The following MOSPD1 variants were observed in gnomAD, a reference collection of about 807,000 sequenced individuals.
The protein encoded by MOSPD1 is motile sperm domain containing 1, also known as motile sperm domain-containing protein 1.
A neutral mutation model predicts 16.7 loss-of-function variants in MOSPD1; 5 were observed. That is an observed-to-expected ratio of 0.30 (90% confidence interval 0.16 to 0.63). The LOEUF is 0.63. MOSPD1 is among the 30% of genes least tolerant of loss of function. The pLI, the probability that MOSPD1 is intolerant of heterozygous loss-of-function variation, is 0.82. For synonymous variants in MOSPD1, 67 were observed against 59.2 expected (o/e 1.13, Z -0.61); for missense variants, 104 against 153.6 (o/e 0.68, Z 1.71).
At chrX:134,895,879 C>A (rs770050373) in intron 4 of MOSPD1, among the ~76,000 whole-genome samples, 1 of 111,369 alleles carries the variant, frequency 9.0e-6, no homozygotes, top group South Asian at 3.8e-4. Flanking sequence ...ACCAGAAAAT[C>A]TAGATGGTCC....
intron 5 of MOSPD1, among the ~76,000 whole-genome samples, chrX:134,889,632 A>G (rs1048327101): frequency 4.5e-5 from 5 of 111,661 alleles, no homozygotes; most frequent in Non-Finnish European, 7.5e-5. Context: ...GAGAGAATAT[A>G]TAAAATATAA....
At chrX:134,896,649 C>T (rs1269213445) in intron 4 of MOSPD1, 168 bp downstream of exon 4, 2 of 445,047 alleles carry the variant, frequency 4.5e-6, no homozygotes, top group Non-Finnish European at 7.8e-6. Flanking sequence ...CACCTCCAGG[C>T]TTCTTGTTCT....
chrX:134,903,711 C>CAAAAA (rs772831491), intron 1 of MOSPD1, among the ~76,000 whole-genome samples: 2 of 54,942 alleles, frequency 3.6e-5, no homozygotes, highest in Admixed American at 2.6e-4. Flanking sequence ...GACTCCATCT[C>CAAAAA]AAAAAAAAAA....
At chrX:134,898,045 T>A (rs1281570985) in intron 3 of MOSPD1, among the ~76,000 whole-genome samples, 8 of 109,608 alleles carry the variant, frequency 7.3e-5, no homozygotes, top group South Asian at 3.9e-4. Flanking sequence ...TTTTTTTTTT[T>A]AATTTTTATT....
chrX:134,896,658 C>A, intron 4 of MOSPD1, 159 bp downstream of exon 4: 1 of 456,770 alleles, frequency 2.2e-6, no homozygotes, highest in Non-Finnish European at 3.8e-6. Flanking sequence ...GCTTCTTGTT[C>A]TACTTCAGGT....
intron 4 of MOSPD1, 123 bp from the exon 5 acceptor site, chrX:134,891,763 A>C: frequency 1.4e-6 from 1 of 701,845 alleles, no homozygotes; most frequent in Non-Finnish European, 2.1e-6. Flanking sequence ...TTGTTTCCCC[A>C]TCATTTTTTC....
chrX:134,890,415 A>T (rs969116171), intron 5 of MOSPD1, among the ~76,000 whole-genome samples: 2 of 109,207 alleles, frequency 1.8e-5, no homozygotes, highest in Non-Finnish European at 3.8e-5. Context: ...ATCTGACAAC[A>T]TGATGGATGG....
intron 1 of MOSPD1, 51 bp from the exon 2 acceptor site, chrX:134,899,585 A>G (rs2082902559): frequency 5.8e-6 from 3 of 515,906 alleles, no homozygotes; most frequent in Admixed American, 8.3e-5. Context: ...CCCAATTTTC[A>G]TTAATCTATA....
At chrX:134,900,663 C>T (rs1411924017) in intron 1 of MOSPD1, among the ~76,000 whole-genome samples, 3 of 110,760 alleles carry the variant, frequency 2.7e-5, no homozygotes, top group Non-Finnish European at 5.7e-5. Flanking sequence ...GCCTGATAAG[C>T]GTGATGTTTC....
In MOSPD1 at chrX:134,896,920, A is replaced by G. The variant is rs781094368; in HGVS notation, c.345T>C (p.Ala115=). The change falls in exon 4 of 6, where the codon GCT becomes GCC. Residue 115 remains alanine, a synonymous_variant. Coordinates refer to ENST00000370783, the MANE Select transcript of MOSPD1 (RefSeq NM_019556.3). Reference sequence around the variant, plus strand: ...GTTCTTTTGCTGATGGGAGAAGAGTAGCAACAACCTCTTTTCTTCCCAAAG... The same window carrying G: ...GTTCTTTTGCTGATGGGAGAAGAGTGGCAACAACCTCTTTTCTTCCCAAAG... ...RKALGRKEVV[A]TLLPSAKEQQ... is the part of the protein sequence containing the mutation. The G allele has an allele frequency of 8.3e-7, 1 of 1,208,999 alleles. No individual in the cohort carries two copies. The highest frequency in any genetic ancestry group is 3.0e-5 in the East Asian group (1 of 33,840).
intron 1 of MOSPD1, among the ~76,000 whole-genome samples, chrX:134,905,226 AGGCGTGGT>A (rs1429780953): frequency 9.2e-6 from 1 of 108,532 alleles, no homozygotes; most frequent in Non-Finnish European, 1.9e-5. Flanking sequence ...ACACCACGCC[AGGCGTGGT>A]GGCGGGCGCC....
At chrX:134,890,820 A>G (rs188210513) in intron 5 of MOSPD1, among the ~76,000 whole-genome samples, 1 of 111,569 alleles carries the variant, frequency 9.0e-6, no homozygotes, top group African/African-American at 3.3e-5. Flanking sequence ...AAATAAATAA[A>G]TAAATAAGAG....
rs1405697040 is a variant in MOSPD1 at position 134,887,903 on chromosome X, A to C, written c.*1258T>G. ...GGATTTCCTATGGAAGACTAGACAT[A>C]GAAGTTTTTAGAAGCAGAGACTGTT... On this transcript the variant is annotated 3_prime_UTR_variant, in exon 6 of 6. Transcript: ENST00000370783. 2 of 113,109 alleles carry C rather than the reference A, an allele frequency of 1.8e-5. No homozygotes were observed. The highest frequency in any genetic ancestry group is 6.4e-5 in the African/African-American group (2 of 31,098). 9.3% of individuals were successfully genotyped at this position (113,109 alleles called of 1,213,427 possible). A position where few individuals can be genotyped will look rare whatever the true frequency, so the allele number is the denominator to read the frequency against.
At chrX:134,912,327 C>T (rs924621779) in intron 1 of MOSPD1, among the ~76,000 whole-genome samples, 2 of 110,805 alleles carry the variant, frequency 1.8e-5, no homozygotes, top group Non-Finnish European at 3.8e-5. Flanking sequence ...GGATCACAGG[C>T]GCCTGCCACC....
intron 1 of MOSPD1, among the ~76,000 whole-genome samples, chrX:134,902,257 A>C (rs957481767): frequency 9.1e-6 from 1 of 109,914 alleles, no homozygotes. Flanking sequence ...AAAATACAAA[A>C]TTAGCCACGT....
At chrX:134,891,855 G>A (rs778674477) in intron 4 of MOSPD1, among the ~76,000 whole-genome samples, 94 of 111,502 alleles carry the variant, frequency 8.4e-4, no homozygotes, top group Non-Finnish European at 1.4e-3. Context: ...ATGCTGACGT[G>A]GCATTGTGAG....
At chrX:134,910,478 G>A (rs146543959) in intron 1 of MOSPD1, among the ~76,000 whole-genome samples, 410 of 111,551 alleles carry the variant, frequency 3.7e-3, no homozygotes, top group Non-Finnish European at 5.7e-3. Flanking sequence ...ACTGTGCTAG[G>A]GAATATGGAG....
intron 5 of MOSPD1, among the ~76,000 whole-genome samples, chrX:134,890,074 CA>C (rs10691243): frequency 0.066 from 3,767 of 56,935 alleles, 251 homozygotes; most frequent in East Asian, 0.49. Context: ...GACTTTATCT[CA>C]AAAAAAAAAA....
At chrX:134,899,568 GAAT>G (rs748780520) in intron 1 of MOSPD1, 34 bp from the exon 2 acceptor site, 1 of 598,305 alleles carries the variant, frequency 1.7e-6, no homozygotes, top group African/African-American at 2.3e-5. Context: ...GAAGAAAAGT[GAAT>G]GATCCCAATT....
Sources: allele counts gnomAD v4.1 joint callset (sites outside exome capture counted in the v4.1 genomes callset), GRCh38; gene constraint gnomAD v4.1.1; transcripts MANE v1.5; gene names NCBI Gene and HGNC (gene_info 2026-07-23, HGNC 2026-07-21).